KATNAL2: variants seen among roughly 807,000 people sequenced by gnomAD.
The protein encoded by KATNAL2 is katanin catalytic subunit A1 like 2, also known as katanin p60 ATPase-containing subunit A-like 2.
In KATNAL2, 52 loss-of-function variants were observed where a neutral mutation model predicts 76.3. That is an observed-to-expected ratio of 0.68 (90% CI 0.55 to 0.86). The LOEUF (loss-of-function observed/expected upper bound fraction) is 0.86, where lower values mean the gene tolerates loss of function less well. Among genes scored for constraint, KATNAL2 ranks in the 40% least tolerant of loss-of-function variants. KATNAL2 has a pLI of 0.00. For synonymous variants in KATNAL2, 243 were observed against 244.2 expected (o/e 1.00, Z 0.05); for missense variants, 660 against 668.9 (o/e 0.99, Z 0.15).
chr18:47,058,617 G>C (rs941172245), intron 7 of KATNAL2, among the ~76,000 whole-genome samples: 1 of 144,500 alleles, frequency 6.9e-6, no homozygotes, highest in African/African-American at 2.4e-5. Flanking sequence ...ATTGGCCAGG[G>C]TGGGGCCAGG....
intron 15 of KATNAL2, among the ~76,000 whole-genome samples, chr18:47,079,747 T>C (rs1334265763): frequency 6.6e-6 from 1 of 152,186 alleles, no homozygotes; most frequent in African/African-American, 2.4e-5. Flanking sequence ...TTAGGCTCAT[T>C]GTGTCCTCAT....
At chr18:46,960,249 C>A (rs936885426) in intron 3 of KATNAL2, among the ~76,000 whole-genome samples, 1 of 152,038 alleles carries the variant, frequency 6.6e-6, no homozygotes, top group Non-Finnish European at 1.5e-5. Context: ...ACTAATCTCA[C>A]CAACATGGTG....
rs765103471 is a variant in KATNAL2 at position 47,058,249 on chromosome 18, G to A, written c.347G>A (p.Ser116Asn). The A allele has an allele frequency of 6.2e-7, 1 of 1,613,180 alleles. No individual in the cohort carries two copies. ...RGKTRRMMND[S>N]CQNLPKINQQ... ...CCCTCCCTTAGGATGATGAACGACA[G>A]TTGTCAAAATCTTCCCAAGATCAAT... Residue 116 changes from serine (S) to asparagine (N), a missense_variant, in exon 7 of 18, where the codon AGT becomes AAT. By Grantham distance (46) the Ser-to-Asn change is conservative. Transcript: ENST00000683218.
chr18:47,034,799 TTCTC>T, intron 3 of KATNAL2: 1 of 1,612,310 alleles, frequency 6.2e-7, no homozygotes, highest in East Asian at 2.2e-5. Flanking sequence ...CTGGGGCACT[TTCTC>T]TCAGCTCTGG....
intron 1 of KATNAL2, among the ~76,000 whole-genome samples, chr18:46,936,288 GTT>G (rs970817498): frequency 6.6e-6 from 1 of 152,126 alleles, no homozygotes; most frequent in Non-Finnish European, 1.5e-5. Context: ...ATTTGTAAAA[GTT>G]TAACATACTC....
chr18:47,072,545 A>G (rs2062043803), intron 13 of KATNAL2, among the ~76,000 whole-genome samples: 1 of 152,196 alleles, frequency 6.6e-6, no homozygotes, highest in South Asian at 2.1e-4. Context: ...TCCTGGGCTC[A>G]AGTAATCTTC....
At chr18:46,956,033 G>C (rs1227666855) in intron 3 of KATNAL2, among the ~76,000 whole-genome samples, 1 of 152,138 alleles carries the variant, frequency 6.6e-6, no homozygotes, top group Non-Finnish European at 1.5e-5. Flanking sequence ...TTAAAAAATT[G>C]ACTAACATAT....
At chr18:47,082,895 C>T (rs1262454554) in intron 15 of KATNAL2, among the ~76,000 whole-genome samples, 2 of 152,144 alleles carry the variant, frequency 1.3e-5, no homozygotes, top group East Asian at 1.9e-4. Flanking sequence ...CTTTGTATTC[C>T]CACTAGTGTC....
At chr18:46,942,606 C>G (rs963277945) in intron 1 of KATNAL2, among the ~76,000 whole-genome samples, 1 of 151,880 alleles carries the variant, frequency 6.6e-6, no homozygotes, top group Non-Finnish European at 1.5e-5. Context: ...GGCAACAGAG[C>G]AAGACTCCAT....
At chr18:47,032,991 C>T in intron 3 of KATNAL2, 1 of 1,614,032 alleles carries the variant, frequency 6.2e-7, no homozygotes. Flanking sequence ...ATCTGCAAGG[C>T]AAGTCCTGAG....
rs1462330903 is a variant in KATNAL2, at chr18:47,038,684, T to TA, written c.52-7768dup. Among the ~76,000 whole-genome samples, 3 of 152,190 alleles carry TA rather than the reference T, an allele frequency of 2.0e-5. No homozygotes were observed. In the East Asian group the frequency reaches 5.8e-4, roughly 29 times the overall value. On this transcript the variant is annotated intron_variant, in intron 3 of 17. Transcript: ENST00000683218. ...TTCAATACCTTACCAAATCTGGATG[T>TA]AAAAATGTAAAAAATAGCTGCACTT...
At chr18:47,022,641 T>TA (rs2060228299) in intron 3 of KATNAL2, 62 of 581,694 alleles carry the variant, frequency 1.1e-4, no homozygotes, top group Non-Finnish European at 1.3e-4. Context: ...TCGTGGTCAC[T>TA]ACTCGCAGCC....
chr18:47,069,893 A>AT (rs1394474401), intron 13 of KATNAL2, among the ~76,000 whole-genome samples: 1 of 152,050 alleles, frequency 6.6e-6, no homozygotes, highest in East Asian at 1.9e-4. Flanking sequence ...GACGTGGCAT[A>AT]TTTTTTCTTC....
At chr18:46,922,279 G>A (rs1324825184) in intron 1 of KATNAL2, among the ~76,000 whole-genome samples, 1 of 151,560 alleles carries the variant, frequency 6.6e-6, no homozygotes, top group Non-Finnish European at 1.5e-5. Context: ...TGTATCTTTT[G>A]TAGAGACAGG....
intron 3 of KATNAL2, among the ~76,000 whole-genome samples, chr18:46,965,639 C>T (rs1301747333): frequency 2.2e-4 from 24 of 109,772 alleles, no homozygotes; most frequent in African/African-American, 7.1e-4. Flanking sequence ...TGCTCCTCTG[C>T]AGCTTCGACT....
chr18:46,946,745 G>A (rs2059390440), intron 2 of KATNAL2, 109 bp from the exon 3 acceptor site: 4 of 1,125,812 alleles, frequency 3.6e-6, no homozygotes, highest in Admixed American at 2.3e-5. Flanking sequence ...AGCGATTGGC[G>A]GGCGTGTCTG....
intron 1 of KATNAL2, among the ~76,000 whole-genome samples, chr18:46,937,113 T>A (rs1312291490): frequency 6.6e-6 from 1 of 152,172 alleles, no homozygotes; most frequent in Admixed American, 6.5e-5. Flanking sequence ...ACTTTCCAGG[T>A]TCTGATGAGG....
At chr18:46,950,172 A>G (rs147050099) in intron 3 of KATNAL2, among the ~76,000 whole-genome samples, 1 of 152,214 alleles carries the variant, frequency 6.6e-6, no homozygotes, top group Non-Finnish European at 1.5e-5. Flanking sequence ...TGTTGCTTGC[A>G]TGTAACAGAT....
rs1442211053 is a variant in KATNAL2, at chr18:46,936,104, C to T, written c.-509-9953C>T. Among the ~76,000 whole-genome samples the T allele has an allele frequency of 2.6e-5, 4 of 152,104 alleles. No homozygotes were observed. In the East Asian group the frequency reaches 7.7e-4, roughly 29 times the overall value. On this transcript the variant is annotated intron_variant, in intron 1 of 17. Transcript: ENST00000683218. The stretch of plus-strand genomic sequence containing the variant: ...ATACAGAACCACAATGAGAAACAGA[C>T]AAAATCCACTTTTCTATGGTGGAAC...
Sources: allele counts gnomAD v4.1 joint callset (sites outside exome capture counted in the v4.1 genomes callset), GRCh38; gene constraint gnomAD v4.1.1; transcripts MANE v1.5; gene names NCBI Gene and HGNC (gene_info 2026-07-23, HGNC 2026-07-21).